The following RAPGEF4 variants were observed in gnomAD, a reference collection of about 807,000 sequenced individuals.
The protein encoded by RAPGEF4 is RAP guanine-nucleotide-exchange factor (GEF) 4.
Under a neutral mutation model 147.9 loss-of-function variants are expected in RAPGEF4, and 66 were observed. That is an observed-to-expected ratio of 0.45 (90% CI 0.37 to 0.55). RAPGEF4 has a LOEUF of 0.55. RAPGEF4 is among the 20% of genes least tolerant of loss of function. The probability of loss-of-function intolerance (pLI) is 0.00; values close to 1 mark genes in which losing one functional copy is unlikely to be tolerated. For missense variants in RAPGEF4, 1,071 were observed against 1,257.3 expected, an observed-to-expected ratio of 0.85 and a Z score of 2.24; for synonymous variants, 419 against 442.7, an observed-to-expected ratio of 0.95 and a Z score of 0.67.
intron 1 of RAPGEF4, among the ~76,000 whole-genome samples, chr2:172,779,905 C>T (rs1684521654): frequency 6.6e-6 from 1 of 152,056 alleles, no homozygotes; most frequent in Admixed American, 6.6e-5. Flanking sequence ...ATTAAATCTC[C>T]CTCTCTTGTA....
chr2:172,920,998 G>C (rs1684695035), intron 5 of RAPGEF4, among the ~76,000 whole-genome samples: 1 of 152,088 alleles, frequency 6.6e-6, no homozygotes, highest in African/African-American at 2.4e-5. Flanking sequence ...CCCAGGTGTG[G>C]ATCAAAGCTT....
intron 29 of RAPGEF4, among the ~76,000 whole-genome samples, chr2:173,037,169 C>T (rs768116981): frequency 4.6e-5 from 7 of 152,192 alleles, no homozygotes; most frequent in Non-Finnish European, 7.3e-5. Context: ...AGAGAAGGAA[C>T]ATGAAAACCT....
chr2:172,964,508 A>C (rs569588668), intron 8 of RAPGEF4, among the ~76,000 whole-genome samples: 24 of 145,942 alleles, frequency 1.6e-4, no homozygotes, highest in African/African-American at 6.1e-4. Flanking sequence ...TCTGTATCTC[A>C]TGTCTCCCGC....
chr2:172,938,843 C>T (rs1227416585), intron 6 of RAPGEF4, among the ~76,000 whole-genome samples: 2 of 152,198 alleles, frequency 1.3e-5, no homozygotes, highest in Non-Finnish European at 2.9e-5. Context: ...ATTTAATCTT[C>T]TTCCGTGTCT....
Position 172,988,785 on chromosome 2 carries a change from A to C in RAPGEF4, c.1320A>C (p.Glu440Asp). ...APRAASIVLREDNCHFLRVDK... is the reference protein window; with the variant it reads ...APRAASIVLRDDNCHFLRVDK... Reference sequence around the variant, plus strand: ...GAGCTGCCTCTATCGTCTTACGAGAAGATAACTGCCATTTCTTAAGAGTAG... The same window carrying C: ...GAGCTGCCTCTATCGTCTTACGAGACGATAACTGCCATTTCTTAAGAGTAG... Residue 440 changes from glutamate (E) to aspartate (D), a missense_variant, in exon 14 of 31, where the codon GAA becomes GAC. Transcript: ENST00000397081. 1.2e-6 allele frequency: 2 copies of C among 1,613,480 alleles called. No homozygotes were observed. The highest frequency in any genetic ancestry group is 2.7e-5 in the African/African-American group (2 of 75,044).
intron 26 of RAPGEF4, among the ~76,000 whole-genome samples, chr2:173,031,076 C>G (rs1344542776): frequency 6.6e-6 from 1 of 152,158 alleles, no homozygotes; most frequent in Non-Finnish European, 1.5e-5. Context: ...ACCCAACTTG[C>G]AATGGTGCTT....
At chr2:173,008,014 T>G (rs1031554657) in intron 17 of RAPGEF4, among the ~76,000 whole-genome samples, 1 of 152,060 alleles carries the variant, frequency 6.6e-6, no homozygotes, top group African/African-American at 2.4e-5. Flanking sequence ...AATCTGAATT[T>G]TAATCCCCAT....
chr2:172,945,887 A>G lies in RAPGEF4; in HGVS notation c.538-14873A>G, dbSNP rs936324713. 4.6e-5 allele frequency among the ~76,000 whole-genome samples: 7 copies of G among 152,318 alleles called. No individual in the cohort carries two copies. The East Asian group carries it at 5.8e-4, about 13-fold the overall frequency. ...TTTATTCAGAAGAAATATCTCATCCAAAGTTACCTTCAATGCAAGCTTCAC... is the reference window on the plus strand; with the variant it reads ...TTTATTCAGAAGAAATATCTCATCCGAAGTTACCTTCAATGCAAGCTTCAC... On this transcript the variant is annotated intron_variant, in intron 6 of 30. Transcript: ENST00000397081.
chr2:172,902,018 C>T (rs144445882), intron 4 of RAPGEF4, among the ~76,000 whole-genome samples: 5 of 152,084 alleles, frequency 3.3e-5, no homozygotes, highest in African/African-American at 4.8e-5. Flanking sequence ...GGGAAGGCCA[C>T]GCTGAGGAGG....
At chr2:172,996,117 G>T (rs997812411) in intron 15 of RAPGEF4, among the ~76,000 whole-genome samples, 6 of 152,110 alleles carry the variant, frequency 3.9e-5, no homozygotes, top group African/African-American at 1.2e-4. Flanking sequence ...CCCCCTGCCT[G>T]ACCTGAACTG....
At chr2:172,956,759 T>G (rs1236967349) in intron 6 of RAPGEF4, among the ~76,000 whole-genome samples, 1 of 152,222 alleles carries the variant, frequency 6.6e-6, no homozygotes, top group Non-Finnish European at 1.5e-5. Flanking sequence ...CGTGAGCCAC[T>G]GCGCCTGGCC....
chr2:172,946,122 A>T (rs1687654901), intron 6 of RAPGEF4, among the ~76,000 whole-genome samples: 1 of 152,250 alleles, frequency 6.6e-6, no homozygotes, highest in Non-Finnish European at 1.5e-5. Context: ...ATTTAAAGGA[A>T]TTTTGATGGT....
intron 3 of RAPGEF4, among the ~76,000 whole-genome samples, chr2:172,803,359 C>T (rs936339895): frequency 6.6e-6 from 1 of 152,190 alleles, no homozygotes; most frequent in African/African-American, 2.4e-5. Context: ...GGCTCAACAC[C>T]ACATGGAAGC....
chr2:173,028,530 GC>G (rs2105962618), intron 25 of RAPGEF4, among the ~76,000 whole-genome samples: 1 of 152,266 alleles, frequency 6.6e-6, no homozygotes. Context: ...ACATGGGAGA[GC>G]CTTTCAGAAC....
chr2:173,051,112 TAAG>T lies in RAPGEF4; in HGVS notation c.2909-525_2909-523del, dbSNP rs1343006700. The stretch of plus-strand genomic sequence containing the variant: ...GTTTTTTCTGAATATGGACAGTCTC[TAAG>T]AACATACAGTCGGTATAGTAATGCT... On this transcript the variant is annotated intron_variant, in intron 30 of 30. Coordinates refer to ENST00000397081, the MANE Select transcript of RAPGEF4 (RefSeq NM_007023.4). Among the ~76,000 whole-genome samples, 3 of 152,318 alleles carry T rather than the reference TAAG, an allele frequency of 2.0e-5. No homozygotes were observed. The East Asian group carries it at 5.8e-4, about 29-fold the overall frequency.
intron 1 of RAPGEF4, among the ~76,000 whole-genome samples, chr2:172,792,947 AG>A (rs1399294743): frequency 1.3e-5 from 2 of 152,222 alleles, no homozygotes; most frequent in African/African-American, 4.8e-5. Context: ...TGCTGGAACA[AG>A]ATACCACAAA....
intron 2 of RAPGEF4, among the ~76,000 whole-genome samples, chr2:172,796,198 G>T (rs1488519567): frequency 3.3e-5 from 5 of 152,146 alleles, no homozygotes; most frequent in Admixed American, 3.3e-4. Context: ...GGGCATGAGT[G>T]TTTCTGGGTG....
At chr2:172,761,350 G>A (rs1327759267) in intron 1 of RAPGEF4, among the ~76,000 whole-genome samples, 2 of 151,948 alleles carry the variant, frequency 1.3e-5, no homozygotes, top group African/African-American at 4.8e-5. Flanking sequence ...ATGTTTGTTT[G>A]AGACGGAGTC....
At chr2:172,838,871 T>C (rs1691261331) in intron 4 of RAPGEF4, among the ~76,000 whole-genome samples, 2 of 152,098 alleles carry the variant, frequency 1.3e-5, no homozygotes, top group Admixed American at 1.3e-4. Flanking sequence ...AACCTATTTA[T>C]TTGAACCATA....
Sources: gnomAD v4.1 joint callset for allele counts (sites outside exome capture counted in the v4.1 genomes callset) on GRCh38, gnomAD v4.1.1 for gene constraint, MANE v1.5 for transcripts, NCBI Gene and HGNC (gene_info 2026-07-23, HGNC 2026-07-21) for gene names.